TNIK: variants seen among roughly 807,000 people sequenced by gnomAD.
TNIK encodes TRAF2 and NCK-interacting protein kinase.
Under a neutral mutation model 191.3 loss-of-function variants are expected in TNIK, and 49 were observed. The ratio of observed to expected loss-of-function variants is 0.26; its 90% CI spans 0.20 to 0.32. The LOEUF is 0.32. TNIK is among the 10% of genes least tolerant of loss of function. The pLI, the probability that TNIK is intolerant of heterozygous loss-of-function variation, is 1.00. For missense variants in TNIK, 1,155 were observed against 1,702.3 expected (o/e 0.68, Z 5.66); for synonymous variants, 594 against 600.9 (o/e 0.99, Z 0.17).
At chr3:171,439,141 G>A (rs1273584432) in intron 1 of TNIK, among the ~76,000 whole-genome samples, 3 of 152,132 alleles carry the variant, frequency 2.0e-5, no homozygotes, top group Admixed American at 6.5e-5. Flanking sequence ...TCAGGAGATC[G>A]AAACCATCCT....
chr3:171,447,474 T>C (rs1346984478), intron 1 of TNIK, among the ~76,000 whole-genome samples: 1 of 152,238 alleles, frequency 6.6e-6, no homozygotes, highest in Non-Finnish European at 1.5e-5. Context: ...AGGGTGATAA[T>C]ACAACAGATA....
At chr3:171,331,242 C>CT (rs1756394279) in intron 2 of TNIK, among the ~76,000 whole-genome samples, 1 of 152,204 alleles carries the variant, frequency 6.6e-6, no homozygotes, top group African/African-American at 2.4e-5. Flanking sequence ...AAACAGGCCA[C>CT]TTTCTACCCC....
At chr3:171,281,449 A>G (rs1245183156) in intron 2 of TNIK, among the ~76,000 whole-genome samples, 2 of 152,202 alleles carry the variant, frequency 1.3e-5, no homozygotes, top group African/African-American at 4.8e-5. Context: ...CAGCTGTGAA[A>G]TCATGAGCAA....
At chr3:171,437,605 A>G (rs1438380872) in intron 1 of TNIK, among the ~76,000 whole-genome samples, 4 of 152,146 alleles carry the variant, frequency 2.6e-5, no homozygotes, top group Non-Finnish European at 5.9e-5. Context: ...CTCCTTCCAT[A>G]TTAGATTGGA....
chr3:171,285,525 A>G (rs1750916113), intron 2 of TNIK, among the ~76,000 whole-genome samples: 1 of 152,216 alleles, frequency 6.6e-6, no homozygotes, highest in Non-Finnish European at 1.5e-5. Flanking sequence ...GACACTCAGG[A>G]CTGTTTTCTC....
At chr3:171,154,518 AAC>A (rs148955995) in intron 12 of TNIK, among the ~76,000 whole-genome samples, 3,053 of 152,284 alleles carry the variant, frequency 0.02, 113 homozygotes, top group African/African-American at 0.07. Context: ...AGCAATTTGA[AAC>A]ACATATATAA....
intron 3 of TNIK, among the ~76,000 whole-genome samples, chr3:171,220,276 A>G (rs1287274792): frequency 1.3e-5 from 2 of 152,124 alleles, no homozygotes; most frequent in East Asian, 3.9e-4. Flanking sequence ...GAGCATTAGG[A>G]GAAACACCTA....
At chr3:171,353,456 G>A (rs1439016793) in intron 2 of TNIK, among the ~76,000 whole-genome samples, 1 of 152,052 alleles carries the variant, frequency 6.6e-6, no homozygotes, top group African/African-American at 2.4e-5. Context: ...TTCCTATAAT[G>A]GGCATAGTTA....
At chr3:171,091,845 T>C (rs1364735604) in intron 23 of TNIK, among the ~76,000 whole-genome samples, 1 of 152,112 alleles carries the variant, frequency 6.6e-6, no homozygotes, top group Non-Finnish European at 1.5e-5. Context: ...AAAACCCACA[T>C]TGAGGAAGGC....
chr3:171,166,068 G>T (rs1366156963), intron 10 of TNIK, among the ~76,000 whole-genome samples: 3 of 152,186 alleles, frequency 2.0e-5, no homozygotes, highest in Admixed American at 1.3e-4. Flanking sequence ...GAGGCACAGG[G>T]TAGGGGAGTG....
intron 9 of TNIK, among the ~76,000 whole-genome samples, chr3:171,168,458 G>A (rs985275315): frequency 2.6e-5 from 4 of 152,198 alleles, no homozygotes; most frequent in Non-Finnish European, 5.9e-5. Flanking sequence ...GAACACAATG[G>A]AGAGCATGTT....
intron 2 of TNIK, among the ~76,000 whole-genome samples, chr3:171,328,204 G>C (rs577286301): frequency 2.3e-4 from 35 of 152,184 alleles, no homozygotes; most frequent in African/African-American, 7.7e-4. Flanking sequence ...ACCCTTGTGA[G>C]GACACAGTGA....
intron 2 of TNIK, among the ~76,000 whole-genome samples, chr3:171,310,389 T>C (rs570715252): frequency 6.6e-6 from 1 of 152,070 alleles, no homozygotes; most frequent in African/African-American, 2.4e-5. Flanking sequence ...AAATCAAAAT[T>C]TACAATTTTA....
chr3:171,349,853 A>G (rs1712846554), intron 2 of TNIK, among the ~76,000 whole-genome samples: 1 of 152,178 alleles, frequency 6.6e-6, no homozygotes, highest in Non-Finnish European at 1.5e-5. Flanking sequence ...GGATCTTCTA[A>G]AAGTAGTATT....
intron 3 of TNIK, among the ~76,000 whole-genome samples, chr3:171,223,125 G>A (rs1167356455): frequency 1.3e-5 from 2 of 152,156 alleles, no homozygotes; most frequent in East Asian, 3.9e-4. Flanking sequence ...CGCCTTCTTG[G>A]CACTTTTAAC....
At chr3:171,399,000 T>C (rs1222480356) in intron 1 of TNIK, among the ~76,000 whole-genome samples, 1 of 152,166 alleles carries the variant, frequency 6.6e-6, no homozygotes, top group Non-Finnish European at 1.5e-5. Context: ...AGTAGGTCAC[T>C]TCTCTGTCTT....
At chr3:171,234,334 A>C (rs887135730) in intron 2 of TNIK, among the ~76,000 whole-genome samples, 1 of 152,192 alleles carries the variant, frequency 6.6e-6, no homozygotes, top group Non-Finnish European at 1.5e-5. Flanking sequence ...CTTGGCCTAC[A>C]TGTGCCATTC....
chr3:171,355,229 G>C (rs1401502535), intron 2 of TNIK, among the ~76,000 whole-genome samples: 1 of 152,112 alleles, frequency 6.6e-6, no homozygotes, highest in African/African-American at 2.4e-5. Flanking sequence ...GCCTCAGAGG[G>C]CTTGGCTTCA....
chr3:171,144,493 ATGAT>A (rs1731265374), intron 12 of TNIK, among the ~76,000 whole-genome samples: 1 of 152,244 alleles, frequency 6.6e-6, no homozygotes, highest in Admixed American at 6.5e-5. Context: ...TTAAATATTT[ATGAT>A]TGACATGTAA....
Sources: allele counts gnomAD v4.1 joint callset (sites outside exome capture counted in the v4.1 genomes callset), GRCh38; gene constraint gnomAD v4.1.1; transcripts MANE v1.5; gene names NCBI Gene and HGNC (gene_info 2026-07-23, HGNC 2026-07-21).